The following GABRQ variants were observed in gnomAD, a reference collection of about 807,000 sequenced individuals.
GABRQ encodes gamma-aminobutyric acid receptor subunit theta.
In GABRQ, 19 loss-of-function variants were observed where a neutral mutation model predicts 30.5. That is an observed-to-expected ratio of 0.62 (90% CI 0.43 to 0.91). GABRQ has a LOEUF of 0.91. Among genes scored for constraint, GABRQ ranks in the 40% least tolerant of loss-of-function variants. The probability of loss-of-function intolerance (pLI) is 0.00; values close to 1 mark genes in which losing one functional copy is unlikely to be tolerated. For missense variants in GABRQ, 520 were observed against 521.4 expected, an observed-to-expected ratio of 1.00 and a Z score of 0.03; for synonymous variants, 187 against 210.2, an observed-to-expected ratio of 0.89 and a Z score of 0.95.
Position 152,646,281 on chromosome X carries a change from C to T in GABRQ, c.307-667C>T, listed in dbSNP as rs781930583. ...AGCAAAAGTCCAAAGTCAGACAATA[C>T]CAATGTTGGTGAAGCCAAAGCACTG... On this transcript the variant is annotated intron_variant, in intron 3 of 8. Coordinates refer to ENST00000598523, the MANE Select transcript of GABRQ (RefSeq NM_018558.4). 4.5e-5 allele frequency among the ~76,000 whole-genome samples: 5 copies of T among 112,086 alleles called. No individual in the cohort carries two copies. The South Asian group carries it at 1.1e-3, about 25-fold the overall frequency.
chrX:152,651,595 G>A lies in GABRQ; in HGVS notation c.971G>A (p.Cys324Tyr), dbSNP rs1556820226. 1.7e-6 allele frequency: 2 copies of A among 1,204,536 alleles called. No individual in the cohort carries two copies. Among genetic ancestry groups the A allele is most frequent in the South Asian group, 3.5e-5 (2 of 56,851 alleles). Residue 324 changes from cysteine to tyrosine, a missense_variant, in exon 8 of 9, where the codon TGT (cysteine) becomes TAT (tyrosine). Transcript: ENST00000598523. ...CGGGATAAGCTCCCCAACATTTCCT[G>A]TATCAAGGCCATTGATATCTATATC... ...HLRDKLPNISCIKAIDIYILV... is the reference protein window; with the variant it reads ...HLRDKLPNISYIKAIDIYILV...
downstream of GABRQ, among the ~76,000 whole-genome samples, chrX:152,658,289 C>A (rs1931186719): frequency 8.9e-6 from 1 of 111,875 alleles, no homozygotes; most frequent in Admixed American, 9.4e-5. Context: ...CAAAGCTCTA[C>A]CCATTAAGGG....
downstream of GABRQ, among the ~76,000 whole-genome samples, chrX:152,657,748 A>G (rs1556821301): frequency 8.9e-6 from 1 of 112,318 alleles, no homozygotes; most frequent in African/African-American, 3.2e-5. Context: ...ATTAGTTTTG[A>G]TTTTTGCAGA....
At chrX:152,639,007 T>G (rs1556817880) in intron 1 of GABRQ, among the ~76,000 whole-genome samples, 2 of 110,835 alleles carry the variant, frequency 1.8e-5, no homozygotes, top group Non-Finnish European at 3.8e-5. Context: ...TTTTTTCTCT[T>G]TTTGATTTTA....
Position 152,652,807 on chromosome X carries a change from C to T in GABRQ, c.1425C>T (p.Asp475=). 1 of 1,209,876 alleles carries T rather than the reference C, an allele frequency of 8.3e-7. No individual in the cohort carries two copies. ...GCTTTAATGGTTTCCAGGCTGATGA[C>T]AGTATTATTCCTACCGAAATCCGCA... ...GVRFNGFQAD[D]SIIPTEIRNR... The change falls in exon 9 of 9, where the codon GAC becomes GAT. Residue 475 remains aspartate (D), a synonymous_variant. Coordinates refer to ENST00000598523, the MANE Select transcript of GABRQ (RefSeq NM_018558.4).
chrX:152,649,638 G>C, intron 5 of GABRQ, 104 bp from the exon 6 acceptor site: 1 of 642,554 alleles, frequency 1.6e-6, no homozygotes, highest in African/African-American at 2.2e-5. Flanking sequence ...CTTACTGTTG[G>C]GAAAGTGTGT....
rs782274510 is a variant in GABRQ, at chrX:152,647,168, G to A, written c.527G>A (p.Arg176Gln). ...GATGGAACGGTGCGGTACGGCATCC[G>A]GTGAGTCCCCTAGGGGTCTGGGGAT... is the stretch of plus-strand genomic sequence containing the variant. ...HPDGTVRYGI[R>Q]LTTTAACSLD... is the part of the protein sequence containing the mutation. Residue 176 changes from arginine to glutamine, a missense_variant and splice_region_variant, in exon 4 of 9, where the codon CGA (arginine) becomes CAA (glutamine). Transcript: ENST00000598523. The A allele has an allele frequency of 1.3e-5, 15 of 1,175,249 alleles. No individual in the cohort carries two copies. The South Asian group carries it at 1.8e-4, about 14-fold the overall frequency.
chrX:152,640,972 TATAA>T (rs1363268705), intron 2 of GABRQ, among the ~76,000 whole-genome samples: 3 of 111,032 alleles, frequency 2.7e-5, no homozygotes, highest in East Asian at 5.6e-4. Flanking sequence ...TCTCAGTTTA[TATAA>T]GACACCGCAG....
chrX:152,657,814 G>A (rs1490700092), downstream of GABRQ, among the ~76,000 whole-genome samples: 1 of 112,558 alleles, frequency 8.9e-6, no homozygotes, highest in Admixed American at 9.4e-5. Flanking sequence ...CCACTGTGGT[G>A]CCAAAATACA....
In GABRQ at chrX:152,645,564, G is replaced by A; in HGVS notation, c.276G>A (p.Thr92=). Reference sequence around the variant, plus strand: ...CTGTGAGAATATCTATTTATGTCACGAGCATTGAACAGATCTCAGAAATGA... The same window carrying A: ...CTGTGAGAATATCTATTTATGTCACAAGCATTGAACAGATCTCAGAAATGA... ...PVPVRISIYV[T]SIEQISEMNM... The change falls in exon 3 of 9, where the codon ACG becomes ACA. Residue 92 remains threonine (T), a synonymous_variant. Coordinates refer to ENST00000598523, the MANE Select transcript of GABRQ (RefSeq NM_018558.4). The A allele has an allele frequency of 2.6e-6, 3 of 1,146,103 alleles. No homozygotes were observed. The highest frequency in any genetic ancestry group is 2.4e-6 in the Non-Finnish European group (2 of 836,117). 94.5% of individuals were successfully genotyped at this position (1,146,103 alleles called of 1,213,427 possible).
chrX:152,638,166 G>A lies in GABRQ; in HGVS notation c.-37G>A, dbSNP rs371693124. The A allele has an allele frequency of 1.6e-4, 185 of 1,187,027 alleles. No individual in the cohort carries two copies. The highest frequency in any genetic ancestry group is 2.2e-4 in the Admixed American group (10 of 44,585). ...CACCTCTGTTCCTTTTCGCGGCCCCGTCTCCCGCGCCCTCAGGCGCCCAGA... is the reference window on the plus strand; with the variant it reads ...CACCTCTGTTCCTTTTCGCGGCCCCATCTCCCGCGCCCTCAGGCGCCCAGA... On this transcript the variant is annotated 5_prime_UTR_variant, in exon 1 of 9. Coordinates refer to ENST00000598523, the MANE Select transcript of GABRQ (RefSeq NM_018558.4).
chrX:152,638,573 T>TA (rs1284590089), intron 1 of GABRQ, among the ~76,000 whole-genome samples: 6 of 111,856 alleles, frequency 5.4e-5, no homozygotes, highest in African/African-American at 2.0e-4. Flanking sequence ...GCCCACCTGT[T>TA]ACTGCGGAGC....
rs1404186599 is a variant in GABRQ at position 152,656,678 on chromosome X, G to A, written c.*3397G>A. 1 of 112,527 alleles carries A rather than the reference G, an allele frequency of 8.9e-6. No individual in the cohort carries two copies. The highest frequency in any genetic ancestry group is 1.9e-5 in the Non-Finnish European group (1 of 53,319). 9.3% of individuals were successfully genotyped at this position (112,527 alleles called of 1,213,427 possible). A position where few individuals can be genotyped will look rare whatever the true frequency, so the allele number is the denominator to read the frequency against. On this transcript the variant is annotated 3_prime_UTR_variant, in exon 9 of 9. Coordinates refer to ENST00000598523, the MANE Select transcript of GABRQ (RefSeq NM_018558.4). ...TGCATATTTAGAGCTGAGTTTTGCT[G>A]AGACTGTGGCCATTCCTAATGAGGT...
In GABRQ at chrX:152,654,623, G is replaced by A. The variant is rs1333216450; in HGVS notation, c.*1342G>A. ...GAATAGGCTGGTGACCAGCCAATGAGCGTGACGTGAGCAGATGGAGAACAC... is the reference window on the plus strand; with the variant it reads ...GAATAGGCTGGTGACCAGCCAATGAACGTGACGTGAGCAGATGGAGAACAC... On this transcript the variant is annotated 3_prime_UTR_variant, in exon 9 of 9. Transcript: ENST00000598523. The A allele has an allele frequency of 1.0e-5, 1 of 96,141 alleles. No homozygotes were observed. The highest frequency in any genetic ancestry group is 4.2e-5 in the African/African-American group (1 of 23,912). The allele number at this position is 96,141 out of a possible 1,213,427, so 7.9% of individuals were successfully genotyped here. A position where few individuals can be genotyped will look rare whatever the true frequency, so the allele number is the denominator to read the frequency against.
rs1384102426 is a variant in GABRQ, at chrX:152,649,420, AGTGTATCTCCT to A, written c.610+91_610+101del. ...AGGCTGAATTGACAGTAAAAGGGCC[AGTGTATCTCCT>A]GTGCTCCCTCCCTCCCCCCATTCTC... On this transcript the variant is annotated intron_variant, in intron 5 of 8. Transcript: ENST00000598523. 1.0e-5 allele frequency: 6 copies of A among 579,609 alleles called. No individual in the cohort carries two copies. The African/African-American group carries it at 1.1e-4, about 11-fold the overall frequency. 47.8% of individuals were successfully genotyped at this position (579,609 alleles called of 1,213,427 possible).
At position 152,653,236 on chromosome X, in the gene GABRQ, C is replaced by A; in HGVS notation, c.1854C>A (p.Ala618=). Residue 618 remains alanine (A), a synonymous_variant, in exon 9 of 9, where the codon GCC becomes GCA. Coordinates refer to ENST00000598523, the MANE Select transcript of GABRQ (RefSeq NM_018558.4). ...DKWSRFLFPL[A]FGLFNIVYWV... is the part of the protein sequence containing the mutation. ...GGTCCCGGTTCCTCTTCCCTCTGGC[C>A]TTTGGGTTGTTCAACATTGTTTACT... 1 of 1,207,273 alleles carries A rather than the reference C, an allele frequency of 8.3e-7. No homozygotes were observed. Among genetic ancestry groups the A allele is most frequent in the Non-Finnish European group, 1.1e-6 (1 of 891,533 alleles).
At position 152,638,562 on chromosome X, in the gene GABRQ, C is replaced by T. The variant is rs782499204; in HGVS notation, c.149+211C>T. On this transcript the variant is annotated intron_variant, in intron 1 of 8. Transcript: ENST00000598523. ...GTGTTGAAATGGAGCCCTGTGCTTC[C>T]GCCCACCTGTTACTGCGGAGCTTGA... is the stretch of plus-strand genomic sequence containing the variant. Among the ~76,000 whole-genome samples the T allele has an allele frequency of 3.6e-5, 4 of 112,057 alleles. No individual in the cohort carries two copies. In the South Asian group the frequency reaches 1.1e-3, roughly 32 times the overall value.
chrX:152,658,729 C>T (rs782789672), downstream of GABRQ, among the ~76,000 whole-genome samples: 2 of 111,941 alleles, frequency 1.8e-5, no homozygotes, highest in East Asian at 5.6e-4. Flanking sequence ...ACACACAACT[C>T]CATGGCCACC....
intron 4 of GABRQ, among the ~76,000 whole-genome samples, chrX:152,648,218 A>T (rs781878951): frequency 1.8e-5 from 2 of 111,598 alleles, no homozygotes; most frequent in South Asian, 7.6e-4. Flanking sequence ...GGGTTAGCAG[A>T]TAAGAAGGGC....
Sources: allele counts gnomAD v4.1 joint callset (sites outside exome capture counted in the v4.1 genomes callset), GRCh38; gene constraint gnomAD v4.1.1; transcripts MANE v1.5; gene names NCBI Gene and HGNC (gene_info 2026-07-23, HGNC 2026-07-21).